Variants in PSD3 observed in about 807,000 individuals in gnomAD.
PSD3 encodes the protein PH and SEC7 domain-containing protein 3.
Under a neutral mutation model 105.5 loss-of-function variants are expected in PSD3, and 49 were observed. The observed-to-expected ratio is 0.46, with a 90% CI of 0.37 to 0.59. The LOEUF (loss-of-function observed/expected upper bound fraction) is 0.59. PSD3 is among the 20% of genes least tolerant of loss of function. The pLI, the probability that PSD3 is intolerant of heterozygous loss-of-function variation, is 0.00. For missense variants in PSD3, 1,561 were observed against 1,263.8 expected, an observed-to-expected ratio of 1.24 and a Z score of -3.57; for synonymous variants, 557 against 457.8, an observed-to-expected ratio of 1.22 and a Z score of -2.77.
intron 1 of PSD3, among the ~76,000 whole-genome samples, chr8:19,074,681 C>T (rs1479807013): frequency 1.5e-5 from 2 of 129,236 alleles, no homozygotes; most frequent in East Asian, 2.3e-4. Flanking sequence ...AGTGCAGTGA[C>T]GCGATCGCAG....
intron 11 of PSD3, among the ~76,000 whole-genome samples, chr8:18,615,760 C>A (rs1006769609): frequency 6.6e-6 from 1 of 152,172 alleles, no homozygotes; most frequent in African/African-American, 2.4e-5. Flanking sequence ...CTGAATCAGA[C>A]AAGTGGGCTT....
At chr8:18,858,903 G>T (rs1315816245) in intron 4 of PSD3, among the ~76,000 whole-genome samples, 1 of 152,078 alleles carries the variant, frequency 6.6e-6, no homozygotes, top group Non-Finnish European at 1.5e-5. Flanking sequence ...TCCTGTTCAT[G>T]TTGATATCTT....
chr8:18,983,828 G>A (rs772275889), intron 1 of PSD3, among the ~76,000 whole-genome samples: 3 of 151,086 alleles, frequency 2.0e-5, no homozygotes, highest in East Asian at 1.9e-4. Context: ...GCCAGACGCC[G>A]TCTCTACAAA....
chr8:19,069,689 C>A (rs1181888116), intron 1 of PSD3, among the ~76,000 whole-genome samples: 1 of 152,150 alleles, frequency 6.6e-6, no homozygotes, highest in East Asian at 1.9e-4. Flanking sequence ...ATGTTCACTA[C>A]AACTAAAGAG....
intron 1 of PSD3, among the ~76,000 whole-genome samples, chr8:19,004,773 G>A (rs1030099782): frequency 4.6e-5 from 7 of 151,880 alleles, no homozygotes; most frequent in Admixed American, 2.0e-4. Flanking sequence ...TTGAATTACC[G>A]GGGTGAGTCT....
intron 1 of PSD3, among the ~76,000 whole-genome samples, chr8:18,974,294 C>T (rs1437697425): frequency 6.6e-6 from 1 of 152,174 alleles, no homozygotes; most frequent in Non-Finnish European, 1.5e-5. Context: ...GGATTCAAAC[C>T]AACCTCTGAG....
chr8:18,565,989 G>A lies in PSD3; in HGVS notation c.2784+6539C>T, dbSNP rs1373737847. 2.0e-5 allele frequency among the ~76,000 whole-genome samples: 3 copies of A among 152,174 alleles called. No individual in the cohort carries two copies. In the East Asian group the frequency reaches 5.8e-4, roughly 29 times the overall value. On this transcript the variant is annotated intron_variant, in intron 14 of 15. Transcript: ENST00000327040. ...CCAAAATGTTAATGCTGCTGCGCTC[G>A]AATATGCCTGGGTTAAAGGATGAGA...
At chr8:19,053,211 G>C (rs538201890) in intron 1 of PSD3, among the ~76,000 whole-genome samples, 2 of 152,090 alleles carry the variant, frequency 1.3e-5, no homozygotes, top group South Asian at 2.1e-4. Flanking sequence ...GGCGCACAGG[G>C]GATGACTGGA....
chr8:18,604,532 C>T (rs541252378), intron 11 of PSD3, among the ~76,000 whole-genome samples: 6 of 151,122 alleles, frequency 4.0e-5, no homozygotes, highest in Non-Finnish European at 7.4e-5. Flanking sequence ...TGCAGCCTGG[C>T]CACGTGATAG....
At chr8:18,630,724 G>T (rs1191926221) in intron 11 of PSD3, among the ~76,000 whole-genome samples, 1 of 151,356 alleles carries the variant, frequency 6.6e-6, no homozygotes, top group African/African-American at 2.4e-5. Flanking sequence ...CCATATCTGT[G>T]GGTTCTGCAA....
chr8:18,937,462 A>C (rs1822214438), intron 1 of PSD3, among the ~76,000 whole-genome samples: 1 of 152,248 alleles, frequency 6.6e-6, no homozygotes, highest in Non-Finnish European at 1.5e-5. Flanking sequence ...GCTTTGGAGT[A>C]GAAATGACTG....
intron 1 of PSD3, among the ~76,000 whole-genome samples, chr8:18,944,990 T>C (rs1822772938): frequency 6.6e-6 from 1 of 152,196 alleles, no homozygotes; most frequent in South Asian, 2.1e-4. Context: ...ATTCTTTAGA[T>C]CTAAGACCTC....
At chr8:18,693,225 C>CA (rs1801069080) in intron 9 of PSD3, among the ~76,000 whole-genome samples, 2 of 152,132 alleles carry the variant, frequency 1.3e-5, no homozygotes, top group African/African-American at 2.4e-5. Flanking sequence ...CACATACGAC[C>CA]TTAAATACAA....
chr8:18,754,953 A>G (rs1286266568), intron 9 of PSD3, among the ~76,000 whole-genome samples: 1 of 152,104 alleles, frequency 6.6e-6, no homozygotes, highest in Non-Finnish European at 1.5e-5. Context: ...TTATCCTTGC[A>G]TTGCTGGTCT....
At chr8:18,760,550 C>A (rs370558082) in intron 9 of PSD3, among the ~76,000 whole-genome samples, 4 of 152,128 alleles carry the variant, frequency 2.6e-5, no homozygotes, top group Non-Finnish European at 5.9e-5. Context: ...CCAGATTTAT[C>A]GATGTCACAA....
intron 1 of PSD3, among the ~76,000 whole-genome samples, chr8:19,026,557 G>A (rs1827556352): frequency 6.6e-6 from 1 of 151,818 alleles, no homozygotes; most frequent in Non-Finnish European, 1.5e-5. Context: ...CATGCAGGAG[G>A]CAATTAATAA....
intron 10 of PSD3, among the ~76,000 whole-genome samples, chr8:18,637,797 T>C (rs969264390): frequency 6.6e-6 from 1 of 152,192 alleles, no homozygotes; most frequent in South Asian, 2.1e-4. Flanking sequence ...CAGTCTCTCA[T>C]AGATCAGAAT....
At chr8:18,752,546 T>TTATATATATAA (rs1554489467) in intron 9 of PSD3, among the ~76,000 whole-genome samples, 2 of 17,732 alleles carry the variant, frequency 1.1e-4, no homozygotes, top group African/African-American at 4.0e-4. Flanking sequence ...ATTATATATA[T>TTATATATATAA]TATATATAAT....
At chr8:18,883,950 C>T (rs1183386450) in intron 2 of PSD3, among the ~76,000 whole-genome samples, 1 of 152,026 alleles carries the variant, frequency 6.6e-6, no homozygotes, top group Non-Finnish European at 1.5e-5. Context: ...TTAGTAAACA[C>T]CTTAAAACAT....
Sources: gnomAD v4.1 joint callset for allele counts (sites outside exome capture counted in the v4.1 genomes callset) on GRCh38, gnomAD v4.1.1 for gene constraint, MANE v1.5 for transcripts, NCBI Gene and HGNC (gene_info 2026-07-23, HGNC 2026-07-21) for gene names.